SGK3: variants seen among roughly 807,000 people sequenced by gnomAD.
SGK3 encodes serine/threonine-protein kinase Sgk3.
In SGK3, 47 loss-of-function variants were observed where a neutral mutation model predicts 68.5. The observed-to-expected ratio is 0.69, with a 90% confidence interval of 0.54 to 0.87. The LOEUF is 0.87. SGK3 is among the 40% of genes least tolerant of loss of function. The pLI is 0.00. For synonymous variants in SGK3, 181 were observed against 189.1 expected, an observed-to-expected ratio of 0.96 and a Z score of 0.35; for missense variants, 479 against 575.5, an observed-to-expected ratio of 0.83 and a Z score of 1.72.
intron 15 of SGK3, among the ~76,000 whole-genome samples, chr8:66,848,782 G>A (rs1454894542): frequency 6.6e-6 from 1 of 152,078 alleles, no homozygotes. Flanking sequence ...CTCCTGAGAG[G>A]TACTACTCTA....
intron 2 of SGK3, among the ~76,000 whole-genome samples, chr8:66,796,117 G>A (rs902612807): frequency 1.3e-5 from 2 of 151,678 alleles, no homozygotes; most frequent in African/African-American, 2.4e-5. Context: ...GGGTACTCAT[G>A]TTATCGATAA....
chr8:66,779,561 A>AATATATAT (rs200618083), intron 1 of SGK3, among the ~76,000 whole-genome samples: 422 of 89,342 alleles, frequency 4.7e-3, no homozygotes, highest in East Asian at 9.9e-3. Flanking sequence ...TATGTGTGTG[A>AATATATAT]ATATATATAT....
At chr8:66,805,842 AAAAG>A (rs1172879960) in intron 4 of SGK3, among the ~76,000 whole-genome samples, 1 of 152,232 alleles carries the variant, frequency 6.6e-6, no homozygotes, top group Non-Finnish European at 1.5e-5. Flanking sequence ...TCTGTGTAAG[AAAAG>A]AAAGAGAGAG....
intron 16 of SGK3, among the ~76,000 whole-genome samples, chr8:66,856,108 C>A (rs1490461361): frequency 1.3e-5 from 2 of 151,658 alleles, no homozygotes; most frequent in Non-Finnish European, 2.9e-5. Flanking sequence ...TGCTCTGTCA[C>A]CCAGGCTGGA....
At position 66,859,566 on chromosome 8, in the gene SGK3, A is replaced by G; in HGVS notation, c.1476A>G (p.Glu492=). The G allele has an allele frequency of 6.2e-7, 1 of 1,609,600 alleles. No homozygotes were observed. The highest frequency in any genetic ancestry group is 8.5e-7 in the Non-Finnish European group (1 of 1,177,074). Residue 492 remains glutamate (E), a synonymous_variant, in exon 17 of 17, where the codon GAA becomes GAG. Transcript: ENST00000521198. ...FVGFSYAPPS[E]DLFL Reference sequence around the variant, plus strand: ...GTTTCTCTTATGCACCTCCTTCAGAAGACTTATTTTTGTGAGCAGTTTGCC... The same window carrying G: ...GTTTCTCTTATGCACCTCCTTCAGAGGACTTATTTTTGTGAGCAGTTTGCC...
intron 1 of SGK3, among the ~76,000 whole-genome samples, chr8:66,745,571 C>CA (rs1402217202): frequency 2.7e-5 from 4 of 147,910 alleles, no homozygotes; most frequent in Non-Finnish European, 4.4e-5. Context: ...GAGACTGTCT[C>CA]AAAAAACAAA....
intron 2 of SGK3, among the ~76,000 whole-genome samples, chr8:66,796,614 A>G (rs575763241): frequency 6.6e-6 from 1 of 151,754 alleles, no homozygotes; most frequent in Non-Finnish European, 1.5e-5. Flanking sequence ...ATATTTTTAT[A>G]CTCTAGTTTT....
At chr8:66,836,184 A>T in intron 10 of SGK3, 110 bp downstream of exon 10, 1 of 1,378,248 alleles carries the variant, frequency 7.3e-7, no homozygotes, top group South Asian at 1.4e-5. Flanking sequence ...AGCTTTTTAT[A>T]GCAATAATAT....
intron 1 of SGK3, among the ~76,000 whole-genome samples, chr8:66,746,708 A>G (rs1805664477): frequency 1.3e-5 from 2 of 151,830 alleles, no homozygotes; most frequent in African/African-American, 2.4e-5. Context: ...CACACGCCAT[A>G]CTACACCTGG....
intron 1 of SGK3, among the ~76,000 whole-genome samples, chr8:66,760,652 A>G (rs1806139111): frequency 6.6e-6 from 1 of 152,076 alleles, no homozygotes; most frequent in African/African-American, 2.4e-5. Flanking sequence ...CATTTTCAAG[A>G]AAGTGTCTGC....
intron 1 of SGK3, among the ~76,000 whole-genome samples, chr8:66,721,267 A>G (rs1267897556): frequency 1.3e-5 from 2 of 152,052 alleles, no homozygotes; most frequent in East Asian, 1.9e-4. Flanking sequence ...TACACAATCT[A>G]CAACACACAG....
intron 1 of SGK3, among the ~76,000 whole-genome samples, chr8:66,723,130 TA>T (rs1187358352): frequency 1.7e-3 from 102 of 59,066 alleles, no homozygotes; most frequent in African/African-American, 3.0e-3. Flanking sequence ...TATATATATA[TA>T]TTTTTTTTTT....
intron 1 of SGK3, among the ~76,000 whole-genome samples, chr8:66,721,309 G>A (rs1804787866): frequency 6.6e-6 from 1 of 152,206 alleles, no homozygotes; most frequent in Non-Finnish European, 1.5e-5. Flanking sequence ...TGCACCCTTT[G>A]TGGCCTCCCC....
At chr8:66,810,773 A>G (rs965924149) in intron 4 of SGK3, among the ~76,000 whole-genome samples, 2 of 152,190 alleles carry the variant, frequency 1.3e-5, no homozygotes, top group Non-Finnish European at 1.5e-5. Flanking sequence ...AACTTATCTC[A>G]TGGTTGGTAG....
chr8:66,796,437 T>C (rs1807698625), intron 2 of SGK3, among the ~76,000 whole-genome samples: 1 of 144,568 alleles, frequency 6.9e-6, no homozygotes, highest in Non-Finnish European at 1.5e-5. Flanking sequence ...AGTGCTGGGA[T>C]TATAGGCATG....
chr8:66,848,377 T>C lies in SGK3; in HGVS notation c.1230+1029T>C, dbSNP rs549463483. ...TCTGGTAATACTCTTTGTTTCTCTG[T>C]GTAGCTTACTCTCTTCCTCTCTGTA... On this transcript the variant is annotated intron_variant, in intron 15 of 16. Coordinates refer to ENST00000521198, the MANE Select transcript of SGK3 (RefSeq NM_001033578.3). 2.0e-5 allele frequency among the ~76,000 whole-genome samples: 3 copies of C among 152,326 alleles called. No homozygotes were observed. In the South Asian group the frequency reaches 6.2e-4, roughly 32 times the overall value.
intron 1 of SGK3, among the ~76,000 whole-genome samples, chr8:66,769,405 G>C (rs1806430260): frequency 6.6e-6 from 1 of 152,132 alleles, no homozygotes; most frequent in South Asian, 2.1e-4. Flanking sequence ...TGTATTTTTG[G>C]TAGAGACGGG....
At chr8:66,789,073 G>A (rs1215891481) in intron 1 of SGK3, among the ~76,000 whole-genome samples, 1 of 151,378 alleles carries the variant, frequency 6.6e-6, no homozygotes, top group Non-Finnish European at 1.5e-5. Flanking sequence ...GAAGGCATTT[G>A]CCAGGTCAGT....
chr8:66,805,252 G>A (rs1031448436), intron 4 of SGK3, among the ~76,000 whole-genome samples: 1 of 152,128 alleles, frequency 6.6e-6, no homozygotes, highest in Non-Finnish European at 1.5e-5. Flanking sequence ...GGGCACGGTG[G>A]CTCACGCCTG....
Sources: allele counts gnomAD v4.1 joint callset (sites outside exome capture counted in the v4.1 genomes callset), GRCh38; gene constraint gnomAD v4.1.1; transcripts MANE v1.5; gene names NCBI Gene and HGNC (gene_info 2026-07-23, HGNC 2026-07-21).